Variants in TNKS observed in about 807,000 individuals in gnomAD.
The protein encoded by TNKS is tankyrase.
Under a neutral mutation model 135.8 loss-of-function variants are expected in TNKS, and 72 were observed. That is an observed-to-expected ratio of 0.53 (90% confidence interval 0.44 to 0.64). The LOEUF (loss-of-function observed/expected upper bound fraction) is 0.64. Among genes scored for constraint, TNKS ranks in the 30% least tolerant of loss-of-function variants. TNKS has a pLI of 0.00. For missense variants in TNKS, 1,769 were observed against 1,674.0 expected (o/e 1.06, Z -0.99); for synonymous variants, 849 against 649.3 (o/e 1.31, Z -4.68).
At chr8:9,701,078 T>G (rs1803779556) in intron 5 of TNKS, among the ~76,000 whole-genome samples, 1 of 151,478 alleles carries the variant, frequency 6.6e-6, no homozygotes, top group African/African-American at 2.4e-5. Flanking sequence ...GGACTACAGG[T>G]GCCCGCCACC....
intron 6 of TNKS, among the ~76,000 whole-genome samples, chr8:9,705,898 T>C (rs1804017960): frequency 6.6e-6 from 1 of 152,224 alleles, no homozygotes; most frequent in Non-Finnish European, 1.5e-5. Context: ...TTGTAAATAC[T>C]TAATATATAA....
chr8:9,686,779 T>C (rs1333744723), intron 5 of TNKS, among the ~76,000 whole-genome samples: 2 of 152,204 alleles, frequency 1.3e-5, no homozygotes, highest in African/African-American at 4.8e-5. Context: ...AACTTGAAGC[T>C]AGAAGATCTG....
chr8:9,586,708 A>G (rs890888615), intron 2 of TNKS, among the ~76,000 whole-genome samples: 7 of 145,614 alleles, frequency 4.8e-5, no homozygotes, highest in African/African-American at 1.8e-4. Context: ...AGTCTATATA[A>G]TTTATATCTA....
chr8:9,658,613 A>C (rs927303199), intron 3 of TNKS, among the ~76,000 whole-genome samples: 5 of 152,218 alleles, frequency 3.3e-5, no homozygotes, highest in East Asian at 1.9e-4. Flanking sequence ...ACAACCGGTA[A>C]CAGCCACTGC....
At chr8:9,630,970 A>G (rs578030109) in intron 3 of TNKS, among the ~76,000 whole-genome samples, 1 of 152,300 alleles carries the variant, frequency 6.6e-6, no homozygotes, top group African/African-American at 2.4e-5. Context: ...GAAGCAGTAC[A>G]TACATTTTCA....
intron 17 of TNKS, among the ~76,000 whole-genome samples, chr8:9,735,801 AAAT>A (rs1407092900): frequency 2.0e-5 from 3 of 151,834 alleles, no homozygotes; most frequent in Non-Finnish European, 2.9e-5. Flanking sequence ...CTCTGACTCA[AAAT>A]AAATAAATAA....
intron 1 of TNKS, among the ~76,000 whole-genome samples, chr8:9,578,868 G>A (rs576169192): frequency 3.3e-5 from 5 of 152,222 alleles, no homozygotes; most frequent in African/African-American, 1.2e-4. Context: ...ATAAAAATGC[G>A]AATATTTGCG....
chr8:9,770,342 C>A lies in TNKS; in HGVS notation c.3897+80C>A, dbSNP rs572981266. ...CAGAGACCGTGTAAGACTTGAGACA[C>A]TTTTCAGTGAAATATCCACCACACA... is the stretch of plus-strand genomic sequence containing the variant. On this transcript the variant is annotated intron_variant, in intron 26 of 26. Transcript: ENST00000310430. 2.4e-5 allele frequency: 34 copies of A among 1,405,280 alleles called. No individual in the cohort carries two copies. In the South Asian group the frequency reaches 4.5e-4, roughly 19 times the overall value. The allele number at this position is 1,405,280 out of a possible 1,614,324, so 87.1% of individuals were successfully genotyped here.
intron 3 of TNKS, among the ~76,000 whole-genome samples, chr8:9,645,173 G>A (rs937954021): frequency 6.6e-6 from 1 of 150,480 alleles, no homozygotes; most frequent in Admixed American, 6.6e-5. Flanking sequence ...GGGAGGACGG[G>A]TAAGCAGAAG....
At chr8:9,621,405 A>C (rs1471671763) in intron 3 of TNKS, among the ~76,000 whole-genome samples, 1 of 151,870 alleles carries the variant, frequency 6.6e-6, no homozygotes, top group Non-Finnish European at 1.5e-5. Context: ...CCTGGGTTCA[A>C]GCGATTCTCC....
intron 2 of TNKS, among the ~76,000 whole-genome samples, chr8:9,608,056 T>C (rs1420597984): frequency 2.6e-5 from 4 of 152,144 alleles, no homozygotes; most frequent in African/African-American, 7.2e-5. Flanking sequence ...TCCTCCCACC[T>C]GAGCCCCACG....
At chr8:9,605,994 C>G (rs578066185) in intron 2 of TNKS, among the ~76,000 whole-genome samples, 1 of 151,828 alleles carries the variant, frequency 6.6e-6, no homozygotes, top group South Asian at 2.1e-4. Context: ...GTTTCTTTTT[C>G]TCCTAAGAAA....
At chr8:9,702,196 A>C (rs183270560) in intron 5 of TNKS, among the ~76,000 whole-genome samples, 126 of 152,306 alleles carry the variant, frequency 8.3e-4, no homozygotes, top group African/African-American at 2.9e-3. Context: ...TAGGAGAGGG[A>C]GCAGAAAAAA....
chr8:9,775,173 C>G (rs960100192), intron 26 of TNKS, among the ~76,000 whole-genome samples: 14 of 152,050 alleles, frequency 9.2e-5, no homozygotes, highest in African/African-American at 3.1e-4. Context: ...TTATACCCAA[C>G]TCTAGAATTA....
intron 1 of TNKS, chr8:9,566,111 C>A (rs1429126208): frequency 6.6e-6 from 1 of 152,030 alleles, no homozygotes; most frequent in East Asian, 1.9e-4. Flanking sequence ...GTGCAGGTCT[C>A]CTCTTCCAAA....
chr8:9,765,905 C>CTTGT, intron 24 of TNKS, 108 bp downstream of exon 24: 2 of 889,004 alleles, frequency 2.2e-6, no homozygotes, highest in East Asian at 5.1e-5. Context: ...TTAAAAACGG[C>CTTGT]TTGTTTTGAT....
At chr8:9,679,790 G>T (rs1181235083) in intron 3 of TNKS, 161 bp from the exon 4 acceptor site, 2 of 555,600 alleles carry the variant, frequency 3.6e-6, no homozygotes, top group Non-Finnish European at 6.5e-6. Flanking sequence ...CACTGGTGAT[G>T]CTGCCTTCAC....
intron 17 of TNKS, among the ~76,000 whole-genome samples, chr8:9,746,321 G>A (rs1233632006): frequency 6.6e-6 from 1 of 152,104 alleles, no homozygotes; most frequent in Non-Finnish European, 1.5e-5. Context: ...TGTTGAATCA[G>A]TAGTGCCTAT....
intron 1 of TNKS, chr8:9,575,330 C>G: frequency 1.1e-6 from 1 of 903,828 alleles, no homozygotes; most frequent in Non-Finnish European, 1.3e-6. Context: ...CGTGATCCGC[C>G]TGCTTCGGCC....
Sources: gnomAD v4.1 joint callset for allele counts (sites outside exome capture counted in the v4.1 genomes callset) on GRCh38, gnomAD v4.1.1 for gene constraint, MANE v1.5 for transcripts, NCBI Gene and HGNC (gene_info 2026-07-23, HGNC 2026-07-21) for gene names.